The following PFKP variants were observed in gnomAD, a reference collection of about 807,000 sequenced individuals.
PFKP encodes ATP-dependent 6-phosphofructokinase, platelet type.
PFKP carries 101 observed loss-of-function variants against 94.3 expected under a neutral mutation model. The ratio of observed to expected loss-of-function variants is 1.07; its 90% CI spans 0.91 to 1.26. PFKP has a LOEUF of 1.26. Ranked by LOEUF, PFKP falls within the 50% of genes most tolerant of loss-of-function variation. PFKP has a pLI of 0.00. For synonymous variants in PFKP, 573 were observed against 432.6 expected, an observed-to-expected ratio of 1.32 and a Z score of -4.03; for missense variants, 1,145 against 1,103.3, an observed-to-expected ratio of 1.04 and a Z score of -0.53.
intron 2 of PFKP, among the ~76,000 whole-genome samples, chr10:3,089,034 C>T (rs962388402): frequency 1.3e-5 from 2 of 152,128 alleles, no homozygotes; most frequent in Admixed American, 6.6e-5. Flanking sequence ...CGGGTTCAAG[C>T]GATTCTCCTG....
rs569778515 is a variant in PFKP at position 3,083,998 on chromosome 10, A to G, written c.186+1537A>G. On this transcript the variant is annotated intron_variant, in intron 2 of 21. Transcript: ENST00000381125. ...TTGTTGAATTGATGTCTCATCATTT[A>G]TGATGGACCCTGTATTCCACCATTC... Among the ~76,000 whole-genome samples, 271 of 152,358 alleles carry G rather than the reference A, an allele frequency of 1.8e-3. 1 individual carries two copies. Among genetic ancestry groups the G allele is most frequent in the Non-Finnish European group, 2.9e-3 (195 of 68,036 alleles).
chr10:3,089,530 A>G (rs1192705224), intron 2 of PFKP, among the ~76,000 whole-genome samples: 1 of 152,122 alleles, frequency 6.6e-6, no homozygotes, highest in African/African-American at 2.4e-5. Context: ...CATGCAATGC[A>G]TCATGATAAA....
chr10:3,072,032 G>A (rs961344535), intron 1 of PFKP, among the ~76,000 whole-genome samples: 2 of 152,112 alleles, frequency 1.3e-5, no homozygotes, highest in South Asian at 2.1e-4. Flanking sequence ...TCTTTCCCGC[G>A]CCCAGCACCA....
chr10:3,119,862 CG>C (rs1837223804), intron 15 of PFKP, 29 bp from the exon 16 acceptor site: 10 of 1,611,846 alleles, frequency 6.2e-6, no homozygotes, highest in Non-Finnish European at 8.5e-6. Context: ...GCTTCCCTCT[CG>C]CCCCACAACT....
chr10:3,094,038 T>C (rs949244345), intron 2 of PFKP, among the ~76,000 whole-genome samples: 3 of 152,174 alleles, frequency 2.0e-5, no homozygotes, highest in Non-Finnish European at 4.4e-5. Flanking sequence ...ATTTACACCA[T>C]TGCCTGTGGC....
rs372153572 is a variant in PFKP at position 3,110,866 on chromosome 10, GGTA to G, written c.1090-1352_1090-1350del. ...TATATGCATGAGTATGCATGTTTGTGGTAGTATGTCTGCATGTATGTGTGTGCA... is the reference window on the plus strand; with the variant it reads ...TATATGCATGAGTATGCATGTTTGTGGTATGTCTGCATGTATGTGTGTGCA... On this transcript the variant is annotated intron_variant, in intron 10 of 21. Coordinates refer to ENST00000381125, the MANE Select transcript of PFKP (RefSeq NM_002627.5). Among the ~76,000 whole-genome samples the G allele has an allele frequency of 2.4e-3, 366 of 151,886 alleles. 2 individuals are homozygous for G. The highest frequency in any genetic ancestry group is 7.8e-3 in the African/African-American group (320 of 41,270).
chr10:3,085,948 T>C (rs1366431222), intron 2 of PFKP, among the ~76,000 whole-genome samples: 1 of 150,584 alleles, frequency 6.6e-6, no homozygotes. Flanking sequence ...AGCATATACA[T>C]GTGCATACTG....
intron 2 of PFKP, among the ~76,000 whole-genome samples, chr10:3,093,290 TC>T (rs1320492406): frequency 2.6e-5 from 4 of 151,966 alleles, no homozygotes; most frequent in Admixed American, 6.6e-5. Flanking sequence ...GTTGTCCACA[TC>T]CCGTTCAGTC....
At chr10:3,077,475 C>T (rs1398768214) in intron 1 of PFKP, among the ~76,000 whole-genome samples, 1 of 151,670 alleles carries the variant, frequency 6.6e-6, no homozygotes, top group South Asian at 2.1e-4. Flanking sequence ...ACCCTGTTAG[C>T]CAGGATGGTC....
intron 16 of PFKP, among the ~76,000 whole-genome samples, chr10:3,127,204 A>T (rs1838047616): frequency 6.6e-6 from 1 of 152,242 alleles, no homozygotes; most frequent in South Asian, 2.1e-4. Context: ...TCTAAGCTCC[A>T]GCAAAGGCGG....
At chr10:3,098,629 C>T (rs1300525473) in intron 2 of PFKP, among the ~76,000 whole-genome samples, 9 of 142,666 alleles carry the variant, frequency 6.3e-5, no homozygotes, top group South Asian at 2.2e-4. Flanking sequence ...GCCGAGATCG[C>T]GCCACTGCAC....
intron 12 of PFKP, 81 bp from the exon 13 acceptor site, chr10:3,113,291 C>T (rs1836444571): frequency 1.3e-6 from 2 of 1,572,730 alleles, no homozygotes; most frequent in African/African-American, 1.3e-5. Context: ...CCTGGCACGG[C>T]ATGAGCCACT....
chr10:3,111,044 A>T (rs1453896208), intron 10 of PFKP, among the ~76,000 whole-genome samples: 1 of 150,958 alleles, frequency 6.6e-6, no homozygotes, highest in Non-Finnish European at 1.5e-5. Context: ...ATGTATGTTT[A>T]TATGCATGTG....
In PFKP at chr10:3,132,439, C is replaced by G; in HGVS notation, c.1908C>G (p.Leu636=). 2 of 1,606,702 alleles carry G rather than the reference C, an allele frequency of 1.2e-6. No individual in the cohort carries two copies. The highest frequency in any genetic ancestry group is 1.3e-5 in the African/African-American group (1 of 74,888). ...CCACCATCCAGAGAGGCCTTGTGCT[C>G]AGGTGAGAGAGAGAGACCAGGGGCT... ...MKTTIQRGLV[L]RNESCSENYT... Residue 636 remains leucine, a splice_region_variant and synonymous_variant, in exon 18 of 22, where the codon CTC becomes CTG. Transcript: ENST00000381125.
intron 2 of PFKP, among the ~76,000 whole-genome samples, chr10:3,095,236 C>CGCG (rs559127368): frequency 0.012 from 1,783 of 151,696 alleles, 29 homozygotes; most frequent in Admixed American, 0.031. Flanking sequence ...AGAAAGCCAC[C>CGCG]CATAGGTGAA....
chr10:3,084,858 G>A lies in PFKP; in HGVS notation c.186+2397G>A, dbSNP rs552903224. On this transcript the variant is annotated intron_variant, in intron 2 of 21. Coordinates refer to ENST00000381125, the MANE Select transcript of PFKP (RefSeq NM_002627.5). The stretch of plus-strand genomic sequence containing the variant: ...AGCACAGTCCTCCACCCCCTCCCCA[G>A]CACGGTCCCCCACTCCACTCTCCAG... Among the ~76,000 whole-genome samples the A allele has an allele frequency of 8.9e-3, 433 of 48,696 alleles. 10 individuals carry two copies. The highest frequency in any genetic ancestry group is 0.033 in the African/African-American group (401 of 12,052). The allele number at this position is 48,696 out of a possible 152,430, so 31.9% of individuals were successfully genotyped here.
chr10:3,105,532 G>C, intron 7 of PFKP, 31 bp downstream of exon 7: 2 of 1,429,818 alleles, frequency 1.4e-6, no homozygotes, highest in Non-Finnish European at 2.0e-6. Flanking sequence ...GTTGATAGCG[G>C]GCGATGCTGG....
rs774205643 is a variant in PFKP, at chr10:3,135,755, T to C, written c.2142T>C (p.Asp714=). 4.5e-5 allele frequency: 72 copies of C among 1,611,606 alleles called. No individual in the cohort carries two copies. Among genetic ancestry groups the C allele is most frequent in the South Asian group, 8.8e-5 (8 of 90,836 alleles). ...ARGRGKKFTT[D]DSICVLGISK... ...TTATAGGAAAAAAATTTACCACCGA[T>C]GATTCCATTTGTGTGCTGGGAATAA... Residue 714 remains aspartate, a synonymous_variant, in exon 21 of 22, where the codon GAT becomes GAC. Coordinates refer to ENST00000381125, the MANE Select transcript of PFKP (RefSeq NM_002627.5).
chr10:3,112,828 A>C (rs1004367672), intron 11 of PFKP, among the ~76,000 whole-genome samples: 3 of 152,206 alleles, frequency 2.0e-5, no homozygotes, highest in Admixed American at 2.0e-4. Flanking sequence ...TCAGCCTCCC[A>C]AAGTGCTGGG....
Sources: allele counts gnomAD v4.1 joint callset (sites outside exome capture counted in the v4.1 genomes callset), GRCh38; gene constraint gnomAD v4.1.1; transcripts MANE v1.5; gene names NCBI Gene and HGNC (gene_info 2026-07-23, HGNC 2026-07-21).